The following PHACTR1 variants were observed in gnomAD, a reference collection of about 807,000 sequenced individuals.
PHACTR1 encodes the protein RPEL repeat containing 1.
In PHACTR1, 16 loss-of-function variants were observed where a neutral mutation model predicts 69.2. The ratio of observed to expected loss-of-function variants is 0.23; its 90% CI spans 0.16 to 0.35. PHACTR1 has a LOEUF of 0.35. Among genes scored for constraint, PHACTR1 ranks in the 10% least tolerant of loss-of-function variants. The pLI, the probability that PHACTR1 is intolerant of heterozygous loss-of-function variation, is 1.00. For missense variants in PHACTR1, 510 were observed against 734.7 expected (o/e 0.69, Z 3.54); for synonymous variants, 312 against 284.5 (o/e 1.10, Z -0.97).
chr6:13,089,709 G>A (rs1812909835), intron 5 of PHACTR1, among the ~76,000 whole-genome samples: 1 of 152,140 alleles, frequency 6.6e-6, no homozygotes, highest in South Asian at 2.1e-4. Flanking sequence ...CTTCTGGTTC[G>A]CGTCCTACTA....
chr6:12,830,755 AT>A (rs1241318505), intron 4 of PHACTR1, among the ~76,000 whole-genome samples: 1 of 150,688 alleles, frequency 6.6e-6, no homozygotes, highest in East Asian at 2.0e-4. Context: ...TGCCCAGCTC[AT>A]TTTTTTTGTA....
chr6:13,062,365 C>A (rs1240837900), intron 5 of PHACTR1, among the ~76,000 whole-genome samples: 2 of 152,148 alleles, frequency 1.3e-5, no homozygotes, highest in Admixed American at 1.3e-4. Flanking sequence ...GTTAGCCAAC[C>A]ACTTTGCCTA....
chr6:12,756,805 T>C (rs1314957052), intron 4 of PHACTR1, among the ~76,000 whole-genome samples: 1 of 152,242 alleles, frequency 6.6e-6, no homozygotes, highest in Admixed American at 6.5e-5. Flanking sequence ...GAAAGGCCAT[T>C]ATTGCCAGAT....
intron 4 of PHACTR1, among the ~76,000 whole-genome samples, chr6:12,902,837 T>C (rs1302234576): frequency 6.6e-6 from 1 of 152,156 alleles, no homozygotes; most frequent in Non-Finnish European, 1.5e-5. Flanking sequence ...TTGATAAAGC[T>C]GAACAAACCC....
chr6:13,138,450 T>C (rs944542608), intron 5 of PHACTR1, among the ~76,000 whole-genome samples: 1 of 152,248 alleles, frequency 6.6e-6, no homozygotes, highest in African/African-American at 2.4e-5. Context: ...TTTGGTGGTG[T>C]TGAACCTTCT....
intron 5 of PHACTR1, among the ~76,000 whole-genome samples, chr6:13,087,973 T>A (rs1812587632): frequency 6.6e-6 from 1 of 152,060 alleles, no homozygotes; most frequent in Admixed American, 6.6e-5. Flanking sequence ...AACCTGGTAA[T>A]GTGTCCCTAC....
At chr6:13,198,780 T>C (rs1282227037) in intron 7 of PHACTR1, among the ~76,000 whole-genome samples, 1 of 152,208 alleles carries the variant, frequency 6.6e-6, no homozygotes, top group African/African-American at 2.4e-5. Flanking sequence ...ATTTCACAGA[T>C]TGGAAAACTG....
intron 4 of PHACTR1, among the ~76,000 whole-genome samples, chr6:12,971,745 T>G (rs978098848): frequency 1.3e-5 from 2 of 152,210 alleles, no homozygotes; most frequent in Admixed American, 6.5e-5. Context: ...AAAATACCCA[T>G]GAAATTATTG....
chr6:13,193,926 A>G (rs892833575), intron 7 of PHACTR1, among the ~76,000 whole-genome samples: 1 of 152,218 alleles, frequency 6.6e-6, no homozygotes, highest in Non-Finnish European at 1.5e-5. Context: ...ACAGTGATCA[A>G]TTGAAGGGCA....
intron 4 of PHACTR1, among the ~76,000 whole-genome samples, chr6:12,942,350 A>G (rs1790143328): frequency 6.6e-6 from 1 of 152,230 alleles, no homozygotes; most frequent in Non-Finnish European, 1.5e-5. Flanking sequence ...ACAAGCTAAT[A>G]CTTTTTGAGT....
At chr6:13,284,294 G>T (rs1042245721) in intron 13 of PHACTR1, among the ~76,000 whole-genome samples, 10 of 151,808 alleles carry the variant, frequency 6.6e-5, no homozygotes, top group African/African-American at 2.4e-4. Context: ...GAGGCGGGTA[G>T]ATCACTTGAG....
chr6:12,983,580 G>A (rs1332780057), intron 4 of PHACTR1, among the ~76,000 whole-genome samples: 3 of 151,886 alleles, frequency 2.0e-5, no homozygotes, highest in Admixed American at 6.6e-5. Context: ...AAGTTCTAGG[G>A]TACATGTGCA....
intron 12 of PHACTR1, among the ~76,000 whole-genome samples, chr6:13,279,031 CT>C (rs5874408): frequency 0.18 from 24,608 of 139,084 alleles, 1,995 homozygotes; most frequent in South Asian, 0.3. Context: ...AAAGTATAGA[CT>C]TTTTTTTTTT....
intron 10 of PHACTR1, among the ~76,000 whole-genome samples, chr6:13,237,112 C>T (rs1241665588): frequency 1.3e-5 from 2 of 152,204 alleles, no homozygotes; most frequent in Non-Finnish European, 2.9e-5. Flanking sequence ...CACAGTGGCT[C>T]ATGCCTATAA....
chr6:13,015,610 C>T (rs936610326), intron 4 of PHACTR1, among the ~76,000 whole-genome samples: 12 of 152,190 alleles, frequency 7.9e-5, no homozygotes, highest in Non-Finnish European at 5.9e-5. Context: ...GCTGCTTCCA[C>T]AACACTGGGA....
intron 3 of PHACTR1, among the ~76,000 whole-genome samples, chr6:12,747,551 A>G (rs1765953606): frequency 6.6e-6 from 1 of 152,062 alleles, no homozygotes; most frequent in Admixed American, 6.6e-5. Flanking sequence ...CTGTAATCCT[A>G]GCTACTCAGG....
At chr6:13,085,413 A>G (rs1347178472) in intron 5 of PHACTR1, among the ~76,000 whole-genome samples, 1 of 152,120 alleles carries the variant, frequency 6.6e-6, no homozygotes, top group Non-Finnish European at 1.5e-5. Flanking sequence ...AGAAGGTCAT[A>G]AAAGGATAGA....
intron 4 of PHACTR1, among the ~76,000 whole-genome samples, chr6:12,753,965 TA>T (rs60712338): frequency 0.03 from 1,387 of 46,622 alleles, 17 homozygotes; most frequent in African/African-American, 0.062. Context: ...TATATATATA[TA>T]TATATTTTTT....
At chr6:13,103,516 G>C (rs1004784682) in intron 5 of PHACTR1, among the ~76,000 whole-genome samples, 1 of 152,172 alleles carries the variant, frequency 6.6e-6, no homozygotes, top group African/African-American at 2.4e-5. Flanking sequence ...TCATCTCCCA[G>C]TACCTGTAGT....
Sources: allele counts gnomAD v4.1 joint callset (sites outside exome capture counted in the v4.1 genomes callset), GRCh38; gene constraint gnomAD v4.1.1; transcripts MANE v1.5; gene names NCBI Gene and HGNC (gene_info 2026-07-23, HGNC 2026-07-21).